The following MICALL2 variants were observed in gnomAD, a reference collection of about 807,000 sequenced individuals.
The protein encoded by MICALL2 is MICAL-like protein 2.
A neutral mutation model predicts 91.1 loss-of-function variants in MICALL2; 111 were observed. That is an observed-to-expected ratio of 1.22 (90% CI 1.04 to 1.43). The LOEUF (loss-of-function observed/expected upper bound fraction) is 1.43. MICALL2 is among the 40% of genes most tolerant of loss of function. The pLI is 0.00. For missense variants in MICALL2, 1,556 were observed against 1,236.0 expected, an observed-to-expected ratio of 1.26 and a Z score of -3.88; for synonymous variants, 694 against 525.3, an observed-to-expected ratio of 1.32 and a Z score of -4.39.
Position 1,444,743 on chromosome 7 carries a change from G to C in MICALL2, c.1327C>G (p.Leu443Val). Residue 443 changes from leucine (L) to valine (V), a missense_variant, in exon 6 of 17, where the codon CTA becomes GTA. Transcript: ENST00000297508. ...SGRGPTPSLV[L>V]SKDSSKEQAR... is the part of the protein sequence containing the mutation. ...TGCTCCTTGCTGCTGTCCTTGGATAGAACAAGTGACGGGGTGGGACCTCTG... is the reference window on the plus strand; with the variant it reads ...TGCTCCTTGCTGCTGTCCTTGGATACAACAAGTGACGGGGTGGGACCTCTG... The C allele has an allele frequency of 6.2e-7, 1 of 1,612,466 alleles. No homozygotes were observed. The highest frequency in any genetic ancestry group is 8.5e-7 in the Non-Finnish European group (1 of 1,179,846).
chr7:1,437,824 G>T lies in MICALL2; in HGVS notation c.2402+66C>A, dbSNP rs187324551. 20 of 1,446,118 alleles carry T rather than the reference G, an allele frequency of 1.4e-5. No individual in the cohort carries two copies. In the East Asian group the frequency reaches 4.0e-4, roughly 29 times the overall value. 89.6% of individuals were successfully genotyped at this position (1,446,118 alleles called of 1,614,324 possible). A position where few individuals can be genotyped will look rare whatever the true frequency, so the allele number is the denominator to read the frequency against. On this transcript the variant is annotated intron_variant, in intron 13 of 16. Transcript: ENST00000297508. ...GCCTGACTCTGCGCTCCTGTCCCCC[G>T]CCTGGCCTGCCCAGCCCGCAACGAG...
At chr7:1,440,485 G>A (rs951185834) in intron 8 of MICALL2, 106 bp downstream of exon 8, 2 of 979,752 alleles carry the variant, frequency 2.0e-6, no homozygotes, top group Non-Finnish European at 3.2e-6. Context: ...ACAGGGAGGT[G>A]CGTCTATCCC....
intron 2 of MICALL2, 86 bp downstream of exon 2, chr7:1,450,154 G>A: frequency 9.6e-7 from 1 of 1,037,618 alleles, no homozygotes; most frequent in Non-Finnish European, 1.5e-6. Flanking sequence ...TGCAGGGCCT[G>A]GGGGGAGTCC....
rs186496884 is a variant in MICALL2, at chr7:1,445,481, G to A, written c.642-53C>T. On this transcript the variant is annotated intron_variant, in intron 5 of 16. Transcript: ENST00000297508. ...AGCTCGGCACCGCCCACCCCGCCAC[G>A]CATTCACCACGTGCTCCTGATAGCA... 1.7e-4 allele frequency: 238 copies of A among 1,425,426 alleles called. No homozygotes were observed. The African/African-American group carries it at 2.8e-3, about 17-fold the overall frequency. 88.3% of individuals were successfully genotyped at this position (1,425,426 alleles called of 1,614,324 possible). A position where few individuals can be genotyped will look rare whatever the true frequency, so the allele number is the denominator to read the frequency against.
chr7:1,434,443 G>A lies in MICALL2; in HGVS notation c.*153C>T. 1 of 720,654 alleles carries A rather than the reference G, an allele frequency of 1.4e-6. No individual in the cohort carries two copies. The allele number at this position is 720,654 out of a possible 1,614,324, so 44.6% of individuals were successfully genotyped here. On this transcript the variant is annotated 3_prime_UTR_variant, in exon 17 of 17. Transcript: ENST00000297508. ...TGTCCACATGCCCCTTGTAGGGACA[G>A]GAGGCCCTTCCCGAGTCCAAGTCCG...
In MICALL2 at chr7:1,452,290, C is replaced by A. The variant is rs940322838; in HGVS notation, c.144-2002G>T. Among the ~76,000 whole-genome samples the A allele has an allele frequency of 2.6e-5, 4 of 152,194 alleles. No homozygotes were observed. Among genetic ancestry groups the A allele is most frequent in the African/African-American group, 9.7e-5 (4 of 41,444 alleles). On this transcript the variant is annotated intron_variant, in intron 1 of 16. Transcript: ENST00000297508. The surrounding 1 kb of genome is among the most constrained non-coding windows in gnomAD (Gnocchi z 6.2). ...CCGTCTGCTCGGGCCTGGGCCGATGCCTCTGTCTGCCTGGGCTTGTCCCCC... is the reference window on the plus strand; with the variant it reads ...CCGTCTGCTCGGGCCTGGGCCGATGACTCTGTCTGCCTGGGCTTGTCCCCC...
In MICALL2 at chr7:1,446,525, A is replaced by AAGGGGAGGAG. The variant is rs1474107869; in HGVS notation, c.641+178_641+187dup. ...GGAAAGTGAAAGGGAGAAGAGGGAG[A>AAGGGGAGGAG]AGGGGAGGAGAGGGGAGGAGGCGGG... On this transcript the variant is annotated intron_variant, in intron 5 of 16. Transcript: ENST00000297508. 1,211 of 491,156 alleles carry AAGGGGAGGAG rather than the reference A, an allele frequency of 2.5e-3. 17 individuals are homozygous for AAGGGGAGGAG. The highest frequency in any genetic ancestry group is 0.016 in the African/African-American group (577 of 35,988). 30.4% of individuals were successfully genotyped at this position (491,156 alleles called of 1,614,324 possible).
At position 1,447,599 on chromosome 7, in the gene MICALL2, A is replaced by C. The variant is rs1562462820; in HGVS notation, c.501T>G (p.Gly167=). The C allele has an allele frequency of 1.3e-6, 2 of 1,584,510 alleles. No individual in the cohort carries two copies. The highest frequency in any genetic ancestry group is 1.7e-6 in the Non-Finnish European group (2 of 1,165,864). The change falls in exon 4 of 17, where the codon GGT becomes GGG. Residue 167 remains glycine, a synonymous_variant. Transcript: ENST00000297508. ...TNPVVQRRNE[G]AGGPPPKTDQ... is the part of the protein sequence containing the mutation. The stretch of plus-strand genomic sequence containing the variant: ...CAGTCTTGGGGGGCGGGCCCCCTGC[A>C]CCCTCATTCCTCCTCTGGACCACAG...
rs201270633 is a variant in MICALL2 at position 1,445,012 on chromosome 7, G to C, written c.1058C>G (p.Pro353Arg). 7.2e-6 allele frequency: 11 copies of C among 1,520,766 alleles called. No individual in the cohort carries two copies. Among genetic ancestry groups the C allele is most frequent in the Non-Finnish European group, 8.8e-6 (10 of 1,132,382 alleles). 94.2% of individuals were successfully genotyped at this position (1,520,766 alleles called of 1,614,324 possible). A position where few individuals can be genotyped will look rare whatever the true frequency, so the allele number is the denominator to read the frequency against. ...ATGGGAGGCAGCCGCTGCTGTGCAC[G>C]GGGCAGCTGACGACCAGCCCATCGG... ...SSPMGWSSAA[P>R]CTAAAASHPA... Residue 353 changes from proline (P) to arginine (R), a missense_variant, in exon 6 of 17, where the codon CCG (proline) becomes CGG (arginine). Pro to Arg is a moderately radical substitution (Grantham distance 103). Transcript: ENST00000297508.
At chr7:1,455,449 G>A (rs888147653) in intron 1 of MICALL2, among the ~76,000 whole-genome samples, 3 of 152,348 alleles carry the variant, frequency 2.0e-5, no homozygotes, top group Non-Finnish European at 4.4e-5. Context: ...GCACAGGCAG[G>A]CTGACCAGGC....
intron 6 of MICALL2, among the ~76,000 whole-genome samples, chr7:1,443,531 T>TCTGTAAA (rs1213945146): frequency 6.6e-6 from 1 of 152,184 alleles, no homozygotes; most frequent in East Asian, 1.9e-4. Flanking sequence ...TGTGACCTTA[T>TCTGTAAA]CTGTAAACCA....
rs1780506752 is a variant in MICALL2, at chr7:1,445,056, A to T, written c.1014T>A (p.Pro338=). Residue 338 remains proline, a synonymous_variant, in exon 6 of 17, where the codon CCT becomes CCA. Coordinates refer to ENST00000297508, the MANE Select transcript of MICALL2 (RefSeq NM_182924.4). ...APTPTEGKVR[P]RVTNSSPMGW... ...CCATCGGGGAGCTATTGGTCACACG[A>T]GGGCGGACTTTCCCCTCCGTGGGAG... The T allele has an allele frequency of 1.3e-6, 2 of 1,547,400 alleles. No individual in the cohort carries two copies. Among genetic ancestry groups the T allele is most frequent in the African/African-American group, 1.4e-5 (1 of 73,038 alleles).
intron 10 of MICALL2, 141 bp downstream of exon 10, chr7:1,438,699 G>A (rs1015490820): frequency 2.6e-5 from 39 of 1,477,498 alleles, no homozygotes; most frequent in East Asian, 4.7e-5. Flanking sequence ...CCTGGGGCAC[G>A]GGGCTGGGTC....
chr7:1,440,886 G>A (rs1409822020), intron 7 of MICALL2: 3 of 565,610 alleles, frequency 5.3e-6, no homozygotes, highest in Admixed American at 6.0e-5. Flanking sequence ...TGTGCTGTGT[G>A]TCCCTGGGGG....
At chr7:1,456,290 G>A (rs1781013025) in intron 1 of MICALL2, among the ~76,000 whole-genome samples, 1 of 152,126 alleles carries the variant, frequency 6.6e-6, no homozygotes, top group Middle Eastern at 3.2e-3. Flanking sequence ...AGTGAAAGTA[G>A]CCAGACACAG....
rs772199590 is a variant in MICALL2, at chr7:1,446,805, C to G, written c.549G>C (p.Leu183Phe). 34 of 1,599,860 alleles carry G rather than the reference C, an allele frequency of 2.1e-5. No individual in the cohort carries two copies. The South Asian group carries it at 3.8e-4, about 18-fold the overall frequency. The change falls in exon 5 of 17, where the codon TTG (leucine) becomes TTC (phenylalanine). Residue 183 changes from leucine (L) to phenylalanine (F), a missense_variant. Physicochemically the swap from Leu to Phe is conservative, Grantham distance 22. Coordinates refer to ENST00000297508, the MANE Select transcript of MICALL2 (RefSeq NM_182924.4). ...PKTDQALAGS[L>F]VSSTCGVCGK... ...CGCAGACCCCGCAGGTGCTGCTGAC[C>G]AAGCTGCCCGCCAATGCCTGGTCCT...
intron 7 of MICALL2, 40 bp from the exon 8 acceptor site, chr7:1,440,724 G>A (rs768979354): frequency 2.6e-6 from 4 of 1,543,468 alleles, no homozygotes; most frequent in Non-Finnish European, 1.8e-6. Flanking sequence ...AGGAAGGAGT[G>A]CTGGGAATGG....
At position 1,442,617 on chromosome 7, in the gene MICALL2, C is replaced by G. The variant is rs149411647; in HGVS notation, c.1419-133G>C. On this transcript the variant is annotated intron_variant, in intron 6 of 16. Coordinates refer to ENST00000297508, the MANE Select transcript of MICALL2 (RefSeq NM_182924.4). ...TCCGGACGGACTCCCACCATCACCC[C>G]AGGCCACCCTCCACCTCCCCCACCA... The G allele has an allele frequency of 6.5e-4, 555 of 850,856 alleles. 1 individual carries two copies. In the African/African-American group the frequency reaches 8.8e-3, roughly 13 times the overall value. 52.7% of individuals were successfully genotyped at this position (850,856 alleles called of 1,614,324 possible).
intron 12 of MICALL2, 37 bp downstream of exon 12, chr7:1,438,060 G>T (rs1392701744): frequency 1.9e-6 from 3 of 1,565,526 alleles, no homozygotes; most frequent in African/African-American, 1.4e-5. Context: ...GTGTCTGTGG[G>T]AGTCGGGCTG....
Sources: gnomAD v4.1 joint callset for allele counts (sites outside exome capture counted in the v4.1 genomes callset) on GRCh38, gnomAD v4.1.1 for gene constraint, Gnocchi (gnomAD v3.1) non-coding constraint, MANE v1.5 for transcripts, NCBI Gene and HGNC (gene_info 2026-07-23, HGNC 2026-07-21) for gene names.